UBR1: variants seen among roughly 807,000 people sequenced by gnomAD.
The protein encoded by UBR1 is E3 ubiquitin-protein ligase UBR1.
UBR1 carries 102 observed loss-of-function variants against 242.1 expected under a neutral mutation model. The observed-to-expected ratio is 0.42, with a 90% CI of 0.36 to 0.50. The LOEUF (loss-of-function observed/expected upper bound fraction) is 0.50, where lower values mean the gene tolerates loss of function less well. Among genes scored for constraint, UBR1 ranks in the 20% least tolerant of loss-of-function variants. UBR1 has a pLI of 0.01. For missense variants in UBR1, 1,772 were observed against 2,101.8 expected (o/e 0.84, Z 3.07); for synonymous variants, 675 against 684.8 (o/e 0.99, Z 0.22).
intron 40 of UBR1, among the ~76,000 whole-genome samples, chr15:42,969,869 C>A (rs2032174670): frequency 6.6e-6 from 1 of 152,178 alleles, no homozygotes; most frequent in African/African-American, 2.4e-5. Flanking sequence ...GAAAAACATT[C>A]CATGTTCACA....
chr15:43,056,370 C>A lies in UBR1; in HGVS notation c.1255G>T (p.Val419Phe). The change falls in exon 11 of 47, where the codon GTT becomes TTT. Residue 419 changes from valine to phenylalanine, a missense_variant. Transcript: ENST00000290650. The part of the protein sequence containing the change: ...DRSISITALS[V>F]QMFTVPTLAR... ...AGAGTAGGAACAGTAAACATCTGAA[C>A]TGAAAGTGCAGTTATAGAGATACTT... is the stretch of plus-strand genomic sequence containing the variant. The A allele has an allele frequency of 6.2e-7, 1 of 1,612,502 alleles. No individual in the cohort carries two copies. The highest frequency in any genetic ancestry group is 1.1e-5 in the South Asian group (1 of 91,036).
Position 42,945,379 on chromosome 15 carries a change from T to G in UBR1, c.5200A>C (p.Ser1734Arg). The G allele has an allele frequency of 6.2e-7, 1 of 1,614,158 alleles. No homozygotes were observed. Among genetic ancestry groups the G allele is most frequent in the Non-Finnish European group, 8.5e-7 (1 of 1,180,036 alleles). Residue 1734 changes from serine to arginine, a missense_variant, in exon 47 of 47, where the codon AGC (serine) becomes CGC (arginine). Around this residue, in one of 3 missense-constraint regions of UBR1, gnomAD observed 965 missense variants for 1,079.7 expected, o/e 0.89. Coordinates refer to ENST00000290650, the MANE Select transcript of UBR1 (RefSeq NM_174916.3). Reference protein sequence around the residue: ...QHCIIEEIARSQETNQMLFGF... With the variant: ...QHCIIEEIARRQETNQMLFGF... Reference sequence around the variant, plus strand: ...AATAACATCTGATTAGTCTCTTGGCTCCTAGCAATCTCTTCTATAATGCAG... The same window carrying G: ...AATAACATCTGATTAGTCTCTTGGCGCCTAGCAATCTCTTCTATAATGCAG...
In UBR1 at chr15:43,059,802, T is replaced by C. The variant is rs2033661175; in HGVS notation, c.885A>G (p.Gln295=). The change falls in exon 8 of 47, where the codon CAA becomes CAG. Residue 295 remains glutamine (Q), a synonymous_variant. Coordinates refer to ENST00000290650, the MANE Select transcript of UBR1 (RefSeq NM_174916.3). ...DIKSHSENVS[Q]HPLHVEVLHS... The stretch of plus-strand genomic sequence containing the variant: ...GTAATACTTCTACATGAAGTGGATG[T>C]TGAGAGACATTTTCTGAATGACTCT... The C allele has an allele frequency of 1.9e-6, 3 of 1,613,960 alleles. No individual in the cohort carries two copies. The highest frequency in any genetic ancestry group is 2.5e-6 in the Non-Finnish European group (3 of 1,179,982).
At chr15:43,013,016 G>A (rs1036742048) in intron 29 of UBR1, among the ~76,000 whole-genome samples, 8 of 152,118 alleles carry the variant, frequency 5.3e-5, no homozygotes, top group East Asian at 1.9e-4. Flanking sequence ...GGTGATTCTC[G>A]TGCCTCAGCC....
rs181812577 is a variant in UBR1 at position 43,023,821 on chromosome 15, C to A, written c.2739+1008G>T. On this transcript the variant is annotated intron_variant, in intron 25 of 46. Coordinates refer to ENST00000290650, the MANE Select transcript of UBR1 (RefSeq NM_174916.3). ...TGGAGGCCAATTTGAAAACATCTAT[C>A]AAAAATGTAAAGGTATATACCAACT... is the stretch of plus-strand genomic sequence containing the variant. Among the ~76,000 whole-genome samples the A allele has an allele frequency of 2.3e-3, 354 of 152,074 alleles. 5 individuals are homozygous for A. The highest frequency in any genetic ancestry group is 8.2e-3 in the African/African-American group (340 of 41,486).
chr15:43,090,645 C>T (rs1053145684), intron 1 of UBR1, among the ~76,000 whole-genome samples: 23 of 151,288 alleles, frequency 1.5e-4, no homozygotes, highest in Admixed American at 2.6e-4. Context: ...GCATATTCAG[C>T]GCTACAAACC....
chr15:43,023,468 G>A (rs2033136586), intron 25 of UBR1, among the ~76,000 whole-genome samples: 1 of 151,654 alleles, frequency 6.6e-6, no homozygotes, highest in Non-Finnish European at 1.5e-5. Flanking sequence ...GTGGGCATCT[G>A]TAATCCCAGC....
chr15:42,948,290 T>A (rs2031770680), intron 46 of UBR1, among the ~76,000 whole-genome samples: 2 of 152,138 alleles, frequency 1.3e-5, no homozygotes, highest in East Asian at 3.9e-4. Flanking sequence ...TCAAGATGGA[T>A]TAAAGACTTA....
At chr15:43,046,908 C>T (rs1054052873) in intron 14 of UBR1, among the ~76,000 whole-genome samples, 1 of 152,084 alleles carries the variant, frequency 6.6e-6, no homozygotes, top group Non-Finnish European at 1.5e-5. Context: ...AGGGAATAAA[C>T]GTGTGTATAA....
intron 33 of UBR1, among the ~76,000 whole-genome samples, chr15:42,995,356 G>A (rs1409735453): frequency 6.6e-6 from 1 of 151,802 alleles, no homozygotes; most frequent in African/African-American, 2.4e-5. Flanking sequence ...ATTGCTTCTC[G>A]GTGCTTAAAA....
rs1234589430 is a variant in UBR1 at position 42,950,299 on chromosome 15, A to G, written c.5071T>C (p.Tyr1691His). The part of the protein sequence containing the change: ...KARGCAYPAP[Y>H]LDEYGETDPG... ...TCTGTTTCTCCATATTCATCCAAGT[A>G]AGGAGCTGGATAGGCACAGCCTCTG... The change falls in exon 46 of 47, where the codon TAC (tyrosine) becomes CAC (histidine). Residue 1691 changes from tyrosine to histidine, a missense_variant. By Grantham distance (83) the Tyr-to-His change is moderately conservative. Coordinates refer to ENST00000290650, the MANE Select transcript of UBR1 (RefSeq NM_174916.3). The G allele has an allele frequency of 6.2e-7, 1 of 1,614,062 alleles. No homozygotes were observed. Among genetic ancestry groups the G allele is most frequent in the Non-Finnish European group, 8.5e-7 (1 of 1,180,024 alleles).
chr15:43,009,114 C>T (rs753876719), intron 29 of UBR1, among the ~76,000 whole-genome samples: 3 of 152,210 alleles, frequency 2.0e-5, no homozygotes, highest in Non-Finnish European at 2.9e-5. Flanking sequence ...AAGCTTGCCA[C>T]GTTGCAGGTG....
intron 37 of UBR1, among the ~76,000 whole-genome samples, chr15:42,983,307 C>T (rs1346847317): frequency 1.3e-5 from 2 of 152,006 alleles, no homozygotes; most frequent in Non-Finnish European, 2.9e-5. Flanking sequence ...GGTTCAATAA[C>T]CTAGGCAGGT....
chr15:43,052,711 G>A (rs1286843843), intron 12 of UBR1, among the ~76,000 whole-genome samples: 1 of 150,508 alleles, frequency 6.6e-6, no homozygotes, highest in Non-Finnish European at 1.5e-5. Flanking sequence ...AGTAAGATGT[G>A]ACTACAGAAT....
At chr15:43,072,198 A>G (rs1021544127) in intron 4 of UBR1, among the ~76,000 whole-genome samples, 1 of 152,206 alleles carries the variant, frequency 6.6e-6, no homozygotes, top group Non-Finnish European at 1.5e-5. Context: ...ACATAGTTTT[A>G]ACATCTAAAA....
intron 35 of UBR1, among the ~76,000 whole-genome samples, 160 bp from the exon 36 acceptor site, chr15:42,985,102 A>G (rs1166433925): frequency 2.6e-5 from 4 of 152,054 alleles, no homozygotes; most frequent in African/African-American, 4.8e-5. Flanking sequence ...AAATTTTCCA[A>G]TTTTTGAGTG....
intron 38 of UBR1, 54 bp from the exon 39 acceptor site, chr15:42,976,921 T>C: frequency 6.3e-7 from 1 of 1,581,172 alleles, no homozygotes; most frequent in Non-Finnish European, 8.6e-7. Flanking sequence ...CTAACATAAA[T>C]TAATGTCATA....
chr15:42,955,691 C>T (rs2031907300), intron 44 of UBR1, among the ~76,000 whole-genome samples: 1 of 152,148 alleles, frequency 6.6e-6, no homozygotes, highest in Non-Finnish European at 1.5e-5. Context: ...GAAGTATTCA[C>T]CCCCCAATGG....
At chr15:43,059,285 G>T in intron 8 of UBR1, 93 bp from the exon 9 acceptor site, 1 of 1,083,566 alleles carries the variant, frequency 9.2e-7, no homozygotes, top group Non-Finnish European at 1.4e-6. Context: ...GGTTGGTCTT[G>T]AACTCCTGGG....
Sources: gnomAD v4.1 joint callset for allele counts (sites outside exome capture counted in the v4.1 genomes callset) on GRCh38, gnomAD v4.1.1 for gene constraint, gnomAD v4.1.1 regional missense constraint, MANE v1.5 for transcripts, NCBI Gene and HGNC (gene_info 2026-07-23, HGNC 2026-07-21) for gene names.